PPFIA2: variants seen among roughly 807,000 people sequenced by gnomAD.
PPFIA2 encodes PPFI scaffold protein A2.
PPFIA2 carries 46 observed loss-of-function variants against 175.5 expected under a neutral mutation model. That is an observed-to-expected ratio of 0.26 (90% CI 0.21 to 0.34). The LOEUF (loss-of-function observed/expected upper bound fraction) is 0.34. PPFIA2 is among the 10% of genes least tolerant of loss of function. The probability of loss-of-function intolerance (pLI) is 1.00; values close to 1 mark genes in which losing one functional copy is unlikely to be tolerated. For synonymous variants in PPFIA2, 568 were observed against 511.4 expected (o/e 1.11, Z -1.49); for missense variants, 1,179 against 1,506.1 (o/e 0.78, Z 3.60).
Position 81,339,859 on chromosome 12 carries a change from T to C in PPFIA2, c.2394-525A>G, listed in dbSNP as rs552260032. Among the ~76,000 whole-genome samples, 253 of 152,228 alleles carry C rather than the reference T, an allele frequency of 1.7e-3. 1 individual carries two copies. Among genetic ancestry groups the C allele is most frequent in the African/African-American group, 5.9e-3 (245 of 41,568 alleles). On this transcript the variant is annotated intron_variant, in intron 20 of 32. Coordinates refer to ENST00000549396, the MANE Select transcript of PPFIA2 (RefSeq NM_003625.5). Reference sequence around the variant, plus strand: ...AATTTAAAATCATCTGGGTGCAATTTGGAAGCAACAAACCATGTATCCTCG... The same window carrying C: ...AATTTAAAATCATCTGGGTGCAATTCGGAAGCAACAAACCATGTATCCTCG...
At chr12:81,610,410 C>T (rs2060772447) in intron 4 of PPFIA2, among the ~76,000 whole-genome samples, 1 of 152,076 alleles carries the variant, frequency 6.6e-6, no homozygotes, top group African/African-American at 2.4e-5. Context: ...TTACATAATC[C>T]CATATTTCAT....
intron 8 of PPFIA2, among the ~76,000 whole-genome samples, chr12:81,396,210 T>C (rs1156522937): frequency 1.3e-5 from 2 of 152,060 alleles, no homozygotes; most frequent in African/African-American, 2.4e-5. Context: ...TTATTAAGTG[T>C]TCATCATGTT....
intron 3 of PPFIA2, among the ~76,000 whole-genome samples, chr12:81,700,526 G>A (rs1373629758): frequency 1.3e-5 from 2 of 151,980 alleles, no homozygotes; most frequent in Non-Finnish European, 2.9e-5. Flanking sequence ...GAATAGGTTT[G>A]GTTTTTGTTT....
chr12:81,667,604 G>T (rs2070593186), intron 4 of PPFIA2, among the ~76,000 whole-genome samples: 1 of 152,048 alleles, frequency 6.6e-6, no homozygotes, highest in Admixed American at 6.6e-5. Flanking sequence ...TCAAGTAACA[G>T]ATCCCAAATA....
At chr12:81,432,645 G>A (rs1455964094) in intron 7 of PPFIA2, among the ~76,000 whole-genome samples, 1 of 151,580 alleles carries the variant, frequency 6.6e-6, no homozygotes, top group Non-Finnish European at 1.5e-5. Flanking sequence ...TTTGTATAGA[G>A]ACTGGGTTTC....
intron 22 of PPFIA2, among the ~76,000 whole-genome samples, chr12:81,301,229 T>A (rs1009493409): frequency 6.6e-6 from 1 of 152,030 alleles, no homozygotes; most frequent in African/African-American, 2.4e-5. Flanking sequence ...AAATTTAGGG[T>A]AGGCCTTCAC....
intron 4 of PPFIA2, among the ~76,000 whole-genome samples, chr12:81,659,264 G>T (rs2153543557): frequency 6.6e-6 from 1 of 152,238 alleles, no homozygotes; most frequent in South Asian, 2.1e-4. Flanking sequence ...GCAGGGCGAG[G>T]CATCACCTCA....
At chr12:81,719,941 T>C (rs1266381188) in intron 3 of PPFIA2, among the ~76,000 whole-genome samples, 1 of 151,454 alleles carries the variant, frequency 6.6e-6, no homozygotes, top group Non-Finnish European at 1.5e-5. Context: ...TAAAGAGTTA[T>C]GTTTGTCTTA....
At chr12:81,281,952 T>C (rs138157825) in intron 26 of PPFIA2, among the ~76,000 whole-genome samples, 256 of 152,164 alleles carry the variant, frequency 1.7e-3, no homozygotes, top group African/African-American at 6.1e-3. Flanking sequence ...AAGCTTTTTA[T>C]GGACATTGTT....
At chr12:81,392,572 C>A (rs762740538) in intron 8 of PPFIA2, among the ~76,000 whole-genome samples, 1 of 151,798 alleles carries the variant, frequency 6.6e-6, no homozygotes, top group African/African-American at 2.4e-5. Flanking sequence ...GCCTTTCACC[C>A]CTGCCATATT....
intron 9 of PPFIA2, among the ~76,000 whole-genome samples, chr12:81,381,792 CTT>C (rs935437785): frequency 6.6e-6 from 1 of 151,880 alleles, no homozygotes; most frequent in Non-Finnish European, 1.5e-5. Context: ...TCATCTATCT[CTT>C]TTTTTTGTTT....
At chr12:81,652,904 T>C (rs1158655886) in intron 4 of PPFIA2, among the ~76,000 whole-genome samples, 1 of 152,148 alleles carries the variant, frequency 6.6e-6, no homozygotes, top group Non-Finnish European at 1.5e-5. Context: ...TTCTCTGTTT[T>C]GGTAAATGTC....
intron 21 of PPFIA2, among the ~76,000 whole-genome samples, chr12:81,327,881 G>T (rs149887133): frequency 6.6e-6 from 1 of 151,830 alleles, no homozygotes; most frequent in South Asian, 2.1e-4. Flanking sequence ...AGAAATACTC[G>T]GAGTATTGCA....
intron 3 of PPFIA2, among the ~76,000 whole-genome samples, chr12:81,753,691 A>G (rs1425651107): frequency 6.6e-6 from 1 of 152,204 alleles, no homozygotes; most frequent in African/African-American, 2.4e-5. Context: ...AAGCTGATCC[A>G]CAAGTGGTTT....
chr12:81,599,872 C>T (rs2059618584), intron 4 of PPFIA2, among the ~76,000 whole-genome samples: 1 of 151,914 alleles, frequency 6.6e-6, no homozygotes, highest in African/African-American at 2.4e-5. Flanking sequence ...TGAAATCATA[C>T]ATGTTTGCCT....
chr12:81,635,418 G>C (rs1358629965), intron 4 of PPFIA2, among the ~76,000 whole-genome samples: 1 of 152,086 alleles, frequency 6.6e-6, no homozygotes, highest in Non-Finnish European at 1.5e-5. Flanking sequence ...AATTTTATTA[G>C]GTTTATGGAT....
At chr12:81,642,977 T>TAC (rs2065530925) in intron 4 of PPFIA2, among the ~76,000 whole-genome samples, 1 of 21,734 alleles carries the variant, frequency 4.6e-5, no homozygotes, top group Admixed American at 3.9e-4. Context: ...ATATAAATTA[T>TAC]ATATCTCTTA....
chr12:81,659,154 T>A (rs747637068), intron 4 of PPFIA2, among the ~76,000 whole-genome samples: 3 of 152,038 alleles, frequency 2.0e-5, no homozygotes, highest in Non-Finnish European at 4.4e-5. Context: ...AGAAGACGGA[T>A]GATTTCTGCA....
intron 7 of PPFIA2, among the ~76,000 whole-genome samples, chr12:81,415,211 ATATATATATATATATAT>A (rs1392432637): frequency 2.3e-4 from 2 of 8,826 alleles, no homozygotes; most frequent in African/African-American, 3.6e-4. Flanking sequence ...AAAAAAAAAA[ATATATATATATATATAT>A]ATATATATAT....
Sources: allele counts gnomAD v4.1 joint callset (sites outside exome capture counted in the v4.1 genomes callset), GRCh38; gene constraint gnomAD v4.1.1; transcripts MANE v1.5; gene names NCBI Gene and HGNC (gene_info 2026-07-23, HGNC 2026-07-21).